The following GPR39 variants were observed in gnomAD, a reference collection of about 807,000 sequenced individuals.
GPR39 encodes the protein G protein-coupled receptor 39, also known as zinc sensing receptor.
GPR39 carries 23 observed loss-of-function variants against 18.4 expected under a neutral mutation model. That is an observed-to-expected ratio of 1.25 (90% CI 0.90 to 1.77). The LOEUF (loss-of-function observed/expected upper bound fraction) is 1.77, where lower values mean the gene tolerates loss of function less well. Ranked by LOEUF, GPR39 falls within the 40% of genes most tolerant of loss-of-function variation. The pLI is 0.00. For synonymous variants in GPR39, 280 were observed against 257.9 expected (o/e 1.09, Z -0.82); for missense variants, 647 against 602.4 (o/e 1.07, Z -0.78).
rs780426008 is a variant in GPR39 at position 132,645,341 on chromosome 2, A to G, written c.1097A>G (p.Gln366Arg). ...VQVLCCRLSL[Q>R]HANHEKRLRV... ...GTGCTGTGCTGCCGCCTGTCGCTGC[A>G]GCACGCCAACCACGAGAAGCGCCTG... Residue 366 changes from glutamine to arginine, a missense_variant, in exon 2 of 2, where the codon CAG becomes CGG. Around this residue, in one of 3 missense-constraint regions of GPR39, gnomAD observed 581 missense variants for 506.8 expected, o/e 1.15. Transcript: ENST00000329321. 87 of 1,614,042 alleles carry G rather than the reference A, an allele frequency of 5.4e-5. 1 individual carries two copies. The highest frequency in any genetic ancestry group is 6.9e-5 in the Non-Finnish European group (81 of 1,180,044).
intron 1 of GPR39, among the ~76,000 whole-genome samples, chr2:132,642,425 C>T (rs1174715296): frequency 6.6e-6 from 1 of 152,110 alleles, no homozygotes; most frequent in Non-Finnish European, 1.5e-5. Context: ...CTTTATCTAC[C>T]CCTGCCTTTG....
chr2:132,633,189 G>A (rs1681682488), intron 1 of GPR39, among the ~76,000 whole-genome samples: 1 of 152,304 alleles, frequency 6.6e-6, no homozygotes, highest in East Asian at 1.9e-4. Context: ...AAGCATGTGA[G>A]CACAGGGAGT....
chr2:132,520,682 A>G (rs1373528917), intron 1 of GPR39, among the ~76,000 whole-genome samples: 5 of 152,242 alleles, frequency 3.3e-5, no homozygotes, highest in Non-Finnish European at 5.9e-5. Context: ...GGACCCCACC[A>G]GCAATGCAGT....
intron 1 of GPR39, among the ~76,000 whole-genome samples, chr2:132,524,181 CT>C (rs1408155093): frequency 2.0e-5 from 3 of 152,220 alleles, no homozygotes; most frequent in Non-Finnish European, 4.4e-5. Context: ...TCTGTGAGAT[CT>C]GATAGAGCAG....
In GPR39 at chr2:132,623,644, TC is replaced by T. The variant is rs372256695; in HGVS notation, c.857-21455del. Reference sequence around the variant, plus strand: ...ACTAGCTGTGTGGCTTTGGCCAGTTTCCTAACTTCTCTTGATGTTTCTTTCC... The same window carrying T: ...ACTAGCTGTGTGGCTTTGGCCAGTTTCTAACTTCTCTTGATGTTTCTTTCC... On this transcript the variant is annotated intron_variant, in intron 1 of 1. Transcript: ENST00000329321. Among the ~76,000 whole-genome samples the T allele has an allele frequency of 3.6e-3, 556 of 152,346 alleles. 3 individuals are homozygous for T. The highest frequency in any genetic ancestry group is 0.013 in the African/African-American group (532 of 41,594).
intron 1 of GPR39, among the ~76,000 whole-genome samples, chr2:132,557,772 GCTTACAATATAGTATC>G (rs1345566005): frequency 6.6e-6 from 1 of 152,168 alleles, no homozygotes; most frequent in Non-Finnish European, 1.5e-5. Flanking sequence ...CTCGTGACTG[GCTTACAATATAGTATC>G]TTGTGAAAAC....
chr2:132,448,525 C>A (rs1165100883), intron 1 of GPR39, among the ~76,000 whole-genome samples: 1 of 152,196 alleles, frequency 6.6e-6, no homozygotes, highest in African/African-American at 2.4e-5. Flanking sequence ...GTCAAACACA[C>A]GTCAGCGGCT....
chr2:132,588,793 A>G (rs777457969), intron 1 of GPR39, among the ~76,000 whole-genome samples: 1 of 152,200 alleles, frequency 6.6e-6, no homozygotes, highest in African/African-American at 2.4e-5. Flanking sequence ...TCCCAAGTCC[A>G]CTGTGATGAG....
chr2:132,536,235 A>G (rs772591525), intron 1 of GPR39, among the ~76,000 whole-genome samples: 4 of 152,034 alleles, frequency 2.6e-5, no homozygotes, highest in Non-Finnish European at 5.9e-5. Flanking sequence ...TCTTAATACT[A>G]CTTTAGCTGT....
At chr2:132,458,810 T>C (rs1680782150) in intron 1 of GPR39, among the ~76,000 whole-genome samples, 1 of 152,184 alleles carries the variant, frequency 6.6e-6, no homozygotes, top group Non-Finnish European at 1.5e-5. Context: ...CTTTTAGCCT[T>C]CACCTCTGTC....
At chr2:132,480,880 T>G (rs1455775754) in intron 1 of GPR39, among the ~76,000 whole-genome samples, 1 of 152,212 alleles carries the variant, frequency 6.6e-6, no homozygotes, top group Admixed American at 6.5e-5. Context: ...ACTTCTTAGT[T>G]GGCCTTGCTC....
rs115752315 is a variant in GPR39, at chr2:132,578,136, A to G, written c.857-66965A>G. Reference sequence around the variant, plus strand: ...TGCTTTTTCTGTAGCAATTGATATGATCACACGATTTTTCTTGAGCTTGTC... The same window carrying G: ...TGCTTTTTCTGTAGCAATTGATATGGTCACACGATTTTTCTTGAGCTTGTC... On this transcript the variant is annotated intron_variant, in intron 1 of 1. Transcript: ENST00000329321. 2.5e-3 allele frequency among the ~76,000 whole-genome samples: 370 copies of G among 148,158 alleles called. 1 individual carries two copies. Among genetic ancestry groups the G allele is most frequent in the African/African-American group, 8.9e-3 (355 of 39,790 alleles).
At position 132,417,912 on chromosome 2, in the gene GPR39, CG is replaced by C; in HGVS notation, c.856+19del. ...TCATCTTCCTGAGTGAGTCCTAAGT[CG>C]GGGGCAACACGTGAGCAGCTTCCCA... On this transcript the variant is annotated intron_variant, in intron 1 of 1. Coordinates refer to ENST00000329321, the MANE Select transcript of GPR39 (RefSeq NM_001508.3). 6.4e-7 allele frequency: 1 copy of C among 1,561,356 alleles called. No individual in the cohort carries two copies. Among genetic ancestry groups the C allele is most frequent in the East Asian group, 2.3e-5 (1 of 44,272 alleles).
chr2:132,433,508 C>G (rs1680259303), intron 1 of GPR39, among the ~76,000 whole-genome samples: 1 of 151,894 alleles, frequency 6.6e-6, no homozygotes, highest in African/African-American at 2.4e-5. Flanking sequence ...TAAACCTTGA[C>G]TAACATCATG....
chr2:132,607,866 G>A (rs1308992461), intron 1 of GPR39, among the ~76,000 whole-genome samples: 1 of 152,196 alleles, frequency 6.6e-6, no homozygotes, highest in Non-Finnish European at 1.5e-5. Flanking sequence ...TAATAGTAGG[G>A]AGGCCAGAGG....
intron 1 of GPR39, among the ~76,000 whole-genome samples, chr2:132,555,635 C>T (rs546130822): frequency 1.3e-3 from 204 of 152,296 alleles, no homozygotes; most frequent in African/African-American, 4.6e-3. Flanking sequence ...TCGGAAGTCA[C>T]TCATTAGCAT....
At chr2:132,587,666 CT>C (rs1461466619) in intron 1 of GPR39, among the ~76,000 whole-genome samples, 5 of 152,090 alleles carry the variant, frequency 3.3e-5, no homozygotes, top group African/African-American at 4.8e-5. Flanking sequence ...TCCCGAGTAG[CT>C]GGGATTACAG....
At chr2:132,527,040 C>T (rs562066833) in intron 1 of GPR39, among the ~76,000 whole-genome samples, 64 of 152,014 alleles carry the variant, frequency 4.2e-4, no homozygotes, top group Admixed American at 6.6e-4. Context: ...TCTATCAACC[C>T]GTCATCTAGG....
At chr2:132,436,360 T>G (rs182720049) in intron 1 of GPR39, among the ~76,000 whole-genome samples, 88 of 152,336 alleles carry the variant, frequency 5.8e-4, no homozygotes, top group Admixed American at 1.1e-3. Flanking sequence ...AAAATGACTT[T>G]CACTGTGAAG....
Sources: allele counts gnomAD v4.1 joint callset (sites outside exome capture counted in the v4.1 genomes callset), GRCh38; gene constraint gnomAD v4.1.1; regional missense constraint gnomAD v4.1.1; transcripts MANE v1.5; gene names NCBI Gene and HGNC (gene_info 2026-07-23, HGNC 2026-07-21).